Variants in KXD1 observed in about 807,000 individuals in gnomAD.
The protein encoded by KXD1 is kxDL motif-containing protein 1.
In KXD1, 5 loss-of-function variants were observed where a neutral mutation model predicts 12.1. That is an observed-to-expected ratio of 0.41 (90% CI 0.22 to 0.87). The LOEUF (loss-of-function observed/expected upper bound fraction) is 0.87, where lower values mean the gene tolerates loss of function less well. Ranked by LOEUF, KXD1 falls within the 40% of genes least tolerant of loss-of-function variation. The pLI is 0.31. For missense variants in KXD1, 193 were observed against 244.9 expected (o/e 0.79, Z 1.41); for synonymous variants, 98 against 100.5 (o/e 0.98, Z 0.15).
chr19:18,566,128 G>T (rs1975213589), intron 3 of KXD1, among the ~76,000 whole-genome samples: 1 of 152,018 alleles, frequency 6.6e-6, no homozygotes, highest in Non-Finnish European at 1.5e-5. Context: ...ATCATGCCCA[G>T]CCTTGCAGTT....
rs766664114 is a variant in KXD1, at chr19:18,567,189, C to T, written c.301+11C>T. 4.6e-5 allele frequency: 74 copies of T among 1,613,840 alleles called. No individual in the cohort carries two copies. The highest frequency in any genetic ancestry group is 5.7e-5 in the Non-Finnish European group (67 of 1,179,856). On this transcript the variant is annotated intron_variant, in intron 4 of 4. Transcript: ENST00000222307. ...CAGAGGCCTTCAGCCGTAAGTGTCA[C>T]GCAGGGTTCCTGCTCCCGAGCACGT...
intron 3 of KXD1, 102 bp downstream of exon 3, chr19:18,565,123 T>G: frequency 1.3e-6 from 2 of 1,534,088 alleles, no homozygotes; most frequent in East Asian, 2.3e-5. Flanking sequence ...GATTTCTGTT[T>G]GTTTTACAAG....
chr19:18,565,329 ACGC>A, intron 3 of KXD1: 1 of 518,372 alleles, frequency 1.9e-6, no homozygotes, highest in East Asian at 3.3e-5. Context: ...TCCCGGGCTC[ACGC>A]CATTCTCCTG....
At position 18,568,686 on chromosome 19, in the gene KXD1, G is replaced by T; in HGVS notation, c.*55G>T. 1 of 1,385,670 alleles carries T rather than the reference G, an allele frequency of 7.2e-7. No homozygotes were observed. 85.8% of individuals were successfully genotyped at this position (1,385,670 alleles called of 1,614,324 possible). On this transcript the variant is annotated 3_prime_UTR_variant, in exon 5 of 5. Transcript: ENST00000222307. The stretch of plus-strand genomic sequence containing the variant: ...CAGGGCAGCAGCATACAAGGTGGCA[G>T]CGGGTAACCCTGCCTTGTTCTGTCA...
At chr19:18,567,054 G>A in intron 3 of KXD1, 78 bp from the exon 4 acceptor site, 1 of 1,375,174 alleles carries the variant, frequency 7.3e-7, no homozygotes, top group Non-Finnish European at 1.0e-6. Flanking sequence ...TCAGCTGGCA[G>A]CAGGGGCTTG....
Position 18,567,049 on chromosome 19 carries a change from T to G in KXD1, c.255-83T>G. The G allele has an allele frequency of 2.3e-6, 3 of 1,318,210 alleles. No homozygotes were observed. The East Asian group carries it at 7.2e-5, about 31-fold the overall frequency. 81.7% of individuals were successfully genotyped at this position (1,318,210 alleles called of 1,614,324 possible). On this transcript the variant is annotated intron_variant, in intron 3 of 4. Coordinates refer to ENST00000222307, the MANE Select transcript of KXD1 (RefSeq NM_024069.4). ...ACTCCCGTCTCCCCTTGCCCTCAGC[T>G]GGCAGCAGGGGCTTGTGGCCAGCAC...
At chr19:18,562,184 G>T in intron 2 of KXD1, 27 bp downstream of exon 2, 18 of 1,538,508 alleles carry the variant, frequency 1.2e-5, no homozygotes, top group South Asian at 2.4e-5. Context: ...GGACCTGAGC[G>T]TGGGAAGGAA....
chr19:18,568,719 C>G lies in KXD1; in HGVS notation c.*88C>G. ...CCCTGCCTTGTTCTGTCATCCAGGG[C>G]TCCTTTGCTGCCCCGTTCTGTCACC... is the stretch of plus-strand genomic sequence containing the variant. On this transcript the variant is annotated 3_prime_UTR_variant, in exon 5 of 5. Transcript: ENST00000222307. 1 of 1,002,976 alleles carries G rather than the reference C, an allele frequency of 1.0e-6. No homozygotes were observed. The highest frequency in any genetic ancestry group is 1.5e-5 in the South Asian group (1 of 66,386). 62.1% of individuals were successfully genotyped at this position (1,002,976 alleles called of 1,614,324 possible).
chr19:18,566,863 C>T (rs528476343), intron 3 of KXD1, among the ~76,000 whole-genome samples: 3 of 152,254 alleles, frequency 2.0e-5, no homozygotes, highest in East Asian at 3.9e-4. Flanking sequence ...GAGCCCCCAG[C>T]CAGTGCCTAG....
chr19:18,563,480 G>A (rs1975033254), intron 2 of KXD1, among the ~76,000 whole-genome samples: 2 of 151,974 alleles, frequency 1.3e-5, no homozygotes, highest in Admixed American at 6.6e-5. Flanking sequence ...TGAGTCGCTG[G>A]GATTATAGGC....
intron 1 of KXD1, chr19:18,559,347 G>T (rs977558742): frequency 6.6e-6 from 1 of 152,060 alleles, no homozygotes; most frequent in African/African-American, 2.4e-5. Flanking sequence ...TCTCTGCATG[G>T]CATGTCATAG....
At chr19:18,562,600 TACAAGCATGTGCC>T (rs1294780950) in intron 2 of KXD1, among the ~76,000 whole-genome samples, 7 of 152,218 alleles carry the variant, frequency 4.6e-5, no homozygotes, top group African/African-American at 1.7e-4. Context: ...TAGCTGGGAT[TACAAGCATGTGCC>T]ACCATGCCCA....
At chr19:18,568,336 C>T (rs1017681738) in intron 4 of KXD1, 66 bp from the exon 5 acceptor site, 4 of 1,209,994 alleles carry the variant, frequency 3.3e-6, no homozygotes, top group African/African-American at 1.5e-5. Flanking sequence ...GTCACATGGA[C>T]AATAAGTCCT....
At chr19:18,562,709 G>A (rs1974981811) in intron 2 of KXD1, among the ~76,000 whole-genome samples, 1 of 152,186 alleles carries the variant, frequency 6.6e-6, no homozygotes, top group Non-Finnish European at 1.5e-5. Context: ...TGATCCACCC[G>A]CCTCGGCCTC....
chr19:18,562,272 CA>C (rs1974952248), intron 2 of KXD1, 115 bp downstream of exon 2: 2 of 744,736 alleles, frequency 2.7e-6, no homozygotes, highest in Non-Finnish European at 4.3e-6. Flanking sequence ...AGGAAATGAG[CA>C]AATCTGTCGC....
At chr19:18,561,758 C>T (rs550776708) in intron 1 of KXD1, 2 of 244,164 alleles carry the variant, frequency 8.2e-6, no homozygotes, top group South Asian at 6.4e-5. Flanking sequence ...TGAGAGGTAC[C>T]TGTGGCCTTG....
chr19:18,564,142 C>T (rs896565554), intron 2 of KXD1, among the ~76,000 whole-genome samples: 5 of 151,998 alleles, frequency 3.3e-5, no homozygotes, highest in African/African-American at 1.2e-4. Context: ...GCCTTGACCT[C>T]CCAAAGCGCT....
intron 1 of KXD1, among the ~76,000 whole-genome samples, chr19:18,561,012 C>G (rs917308717): frequency 6.6e-6 from 1 of 152,076 alleles, no homozygotes; most frequent in African/African-American, 2.4e-5. Flanking sequence ...GCCACCTCTG[C>G]TCTTTTGGAG....
Position 18,568,941 on chromosome 19 carries a change from C to T in KXD1, c.*310C>T. ...TCCAGAGCTGAGCCTGACGTCTGCT[C>T]TGAAGAATGCTTAGAAGGTTCCCAG... On this transcript the variant is annotated 3_prime_UTR_variant, in exon 5 of 5. Coordinates refer to ENST00000222307, the MANE Select transcript of KXD1 (RefSeq NM_024069.4). The T allele has an allele frequency of 2.5e-6, 1 of 396,404 alleles. No homozygotes were observed. The highest frequency in any genetic ancestry group is 4.6e-6 in the Non-Finnish European group (1 of 215,476). The allele number at this position is 396,404 out of a possible 1,614,324, so 24.6% of individuals were successfully genotyped here.
Sources: allele counts gnomAD v4.1 joint callset (sites outside exome capture counted in the v4.1 genomes callset), GRCh38; gene constraint gnomAD v4.1.1; transcripts MANE v1.5; gene names NCBI Gene and HGNC (gene_info 2026-07-23, HGNC 2026-07-21).